AP5M1: variants seen among roughly 807,000 people sequenced by gnomAD.
AP5M1 encodes the protein AP-5 complex subunit mu-1.
In AP5M1, 44 loss-of-function variants were observed where a neutral mutation model predicts 52.3. The observed-to-expected ratio is 0.84, with a 90% CI of 0.66 to 1.08. AP5M1 has a LOEUF of 1.08. AP5M1 is among the 50% of genes least tolerant of loss of function. The pLI is 0.00. For synonymous variants in AP5M1, 213 were observed against 199.0 expected (o/e 1.07, Z -0.59); for missense variants, 526 against 568.4 (o/e 0.93, Z 0.76).
chr14:57,272,416 T>C (rs1884916554), intron 1 of AP5M1, among the ~76,000 whole-genome samples: 1 of 152,244 alleles, frequency 6.6e-6, no homozygotes, highest in South Asian at 2.1e-4. Flanking sequence ...GTTAAGATTC[T>C]GGTTTAAAGG....
intron 1 of AP5M1, among the ~76,000 whole-genome samples, chr14:57,271,929 G>A (rs1402677944): frequency 6.6e-6 from 1 of 152,128 alleles, no homozygotes; most frequent in East Asian, 1.9e-4. Context: ...TAATTTGTGA[G>A]GCTACTGGTA....
At chr14:57,279,402 CATT>C (rs1398782443) in intron 2 of AP5M1, among the ~76,000 whole-genome samples, 9 of 152,172 alleles carry the variant, frequency 5.9e-5, no homozygotes, top group Non-Finnish European at 1.2e-4. Context: ...AGTTGGAAAT[CATT>C]ATTCTCAGCA....
At chr14:57,280,802 G>T (rs1180586606) in intron 3 of AP5M1, among the ~76,000 whole-genome samples, 1 of 150,812 alleles carries the variant, frequency 6.6e-6, no homozygotes, top group Non-Finnish European at 1.5e-5. Context: ...GGTGAGCCAA[G>T]ATCGCACCAG....
chr14:57,270,709 T>G (rs1884871929), intron 1 of AP5M1, among the ~76,000 whole-genome samples: 1 of 152,212 alleles, frequency 6.6e-6, no homozygotes, highest in South Asian at 2.1e-4. Flanking sequence ...TATATTCCCT[T>G]TGGTTACCTA....
intron 7 of AP5M1, among the ~76,000 whole-genome samples, chr14:57,288,543 G>A (rs1885362308): frequency 6.6e-6 from 1 of 151,968 alleles, no homozygotes; most frequent in Non-Finnish European, 1.5e-5. Context: ...GAGAAAATGT[G>A]AAGATAAAAT....
chr14:57,287,025 ACG>A (rs1555332296), intron 7 of AP5M1, among the ~76,000 whole-genome samples: 5 of 148,562 alleles, frequency 3.4e-5, no homozygotes, highest in Non-Finnish European at 1.5e-5. Context: ...ACACACACAC[ACG>A]AAACATATGA....
At chr14:57,269,506 C>T in intron 1 of AP5M1, 118 bp downstream of exon 1, 1 of 889,432 alleles carries the variant, frequency 1.1e-6, no homozygotes, top group Non-Finnish European at 1.8e-6. Context: ...TTGGGCTAGC[C>T]AGTTAACAGA....
chr14:57,282,996 A>G lies in AP5M1; in HGVS notation c.1151A>G (p.Lys384Arg). 3 of 1,600,650 alleles carry G rather than the reference A, an allele frequency of 1.9e-6. No individual in the cohort carries two copies. Among genetic ancestry groups the G allele is most frequent in the Non-Finnish European group, 2.6e-6 (3 of 1,171,802 alleles). ...SFGQLEVFRE[K>R]SLLIWIIGQK... ...GGCCAGCTTGAAGTATTTCGAGAGA[A>G]AAGCTTATTGATCTGGATTATTGGT... Residue 384 changes from lysine to arginine, a missense_variant, in exon 5 of 8, where the codon AAA becomes AGA. Lys to Arg is a conservative substitution (Grantham distance 26, BLOSUM62 2). This residue lies in a region of AP5M1 where 97 missense variants were observed against 121.3 expected (regional missense o/e 0.80). Coordinates refer to ENST00000261558, the MANE Select transcript of AP5M1 (RefSeq NM_018229.4).
intron 2 of AP5M1, among the ~76,000 whole-genome samples, chr14:57,279,808 T>C (rs1476573138): frequency 6.6e-6 from 1 of 152,184 alleles, no homozygotes; most frequent in Non-Finnish European, 1.5e-5. Context: ...ATAAAAATTA[T>C]GTTTCATTAA....
In AP5M1 at chr14:57,295,222, A is replaced by C. The variant is rs1885523872; in HGVS notation, c.*6338A>C. ...CTGATTCAATTAACTTACTTGGTGA[A>C]GCTGCCAGGGAAACTAAATATGATG... On this transcript the variant is annotated 3_prime_UTR_variant, in exon 8 of 8. Transcript: ENST00000261558. The C allele has an allele frequency of 6.6e-6, 1 of 151,920 alleles. No individual in the cohort carries two copies. The highest frequency in any genetic ancestry group is 2.4e-5 in the African/African-American group (1 of 41,412). 9.4% of individuals were successfully genotyped at this position (151,920 alleles called of 1,614,324 possible). A position where few individuals can be genotyped will look rare whatever the true frequency, so the allele number is the denominator to read the frequency against.
rs746519699 is a variant in AP5M1 at position 57,280,344 on chromosome 14, C to T, written c.870C>T (p.Asp290=). Residue 290 remains aspartate (D), a synonymous_variant, in exon 3 of 8, where the codon GAC becomes GAT. Transcript: ENST00000261558. ...CTAGTAGTATTGATGCAATGGATGA[C>T]TCTGCATTTAGTGGGCCTTACAAAT... ...LTSSSIDAMD[D]SAFSGPYKFP... is the part of the protein sequence containing the mutation. 1.7e-5 allele frequency: 28 copies of T among 1,613,886 alleles called. No homozygotes were observed. The highest frequency in any genetic ancestry group is 1.2e-4 in the Admixed American group (7 of 60,000).
At position 57,269,256 on chromosome 14, in the gene AP5M1, C is replaced by T. The variant is rs563275698; in HGVS notation, c.-59C>T. 4.6e-6 allele frequency: 7 copies of T among 1,524,876 alleles called. No homozygotes were observed. The highest frequency in any genetic ancestry group is 2.2e-5 in the East Asian group (1 of 44,454). The allele number at this position is 1,524,876 out of a possible 1,614,324, so 94.5% of individuals were successfully genotyped here. A position where few individuals can be genotyped will look rare whatever the true frequency, so the allele number is the denominator to read the frequency against. On this transcript the variant is annotated 5_prime_UTR_variant, in exon 1 of 8. Transcript: ENST00000261558. ...GAGTCTGTCTGAGAAAGCCGGTCTG[C>T]GCTGTTCCTCGGTGGCGACCTTAAT...
intron 5 of AP5M1, 44 bp downstream of exon 5, chr14:57,283,063 G>A: frequency 3.2e-6 from 5 of 1,572,422 alleles, no homozygotes; most frequent in Non-Finnish European, 4.3e-6. Context: ...TTCATTTACT[G>A]TAGAATCTAC....
In AP5M1 at chr14:57,269,215, T is replaced by A. The variant is rs768449392; in HGVS notation, c.-100T>A. ...ACCGGTATGCGGCGCAGGATGAGCCTCAGGGCTTCTGTTAAGAGTCTGTCT... is the reference window on the plus strand; with the variant it reads ...ACCGGTATGCGGCGCAGGATGAGCCACAGGGCTTCTGTTAAGAGTCTGTCT... On this transcript the variant is annotated 5_prime_UTR_variant, in exon 1 of 8. Transcript: ENST00000261558. 8.4e-5 allele frequency: 98 copies of A among 1,167,438 alleles called. No individual in the cohort carries two copies. The highest frequency in any genetic ancestry group is 1.2e-4 in the Non-Finnish European group (94 of 797,222). The allele number at this position is 1,167,438 out of a possible 1,614,324, so 72.3% of individuals were successfully genotyped here.
intron 4 of AP5M1, among the ~76,000 whole-genome samples, chr14:57,282,513 A>G (rs1885208110): frequency 6.6e-6 from 1 of 152,302 alleles, no homozygotes; most frequent in East Asian, 1.9e-4. Context: ...ATTTTTCCAT[A>G]TACAAGTCAA....
chr14:57,285,843 G>C (rs1885293943), intron 6 of AP5M1, among the ~76,000 whole-genome samples: 1 of 152,152 alleles, frequency 6.6e-6, no homozygotes, highest in Non-Finnish European at 1.5e-5. Flanking sequence ...CCAGCTTTTG[G>C]AGTCGGTAAG....
chr14:57,281,113 G>A lies in AP5M1; in HGVS notation c.948+691G>A, dbSNP rs1379112486. ...TATTGTTTATTGAATAATTGCTTGTGTGTCAGACATTGTCCTAAGCACTTT... is the reference window on the plus strand; with the variant it reads ...TATTGTTTATTGAATAATTGCTTGTATGTCAGACATTGTCCTAAGCACTTT... On this transcript the variant is annotated intron_variant, in intron 3 of 7. Transcript: ENST00000261558. 2.6e-5 allele frequency among the ~76,000 whole-genome samples: 4 copies of A among 152,082 alleles called. No individual in the cohort carries two copies. In the East Asian group the frequency reaches 7.7e-4, roughly 29 times the overall value.
chr14:57,272,652 T>C (rs1197400017), intron 1 of AP5M1, among the ~76,000 whole-genome samples: 1 of 152,250 alleles, frequency 6.6e-6, no homozygotes, highest in Non-Finnish European at 1.5e-5. Flanking sequence ...GAAATTTTTA[T>C]ACTTAAGAAC....
chr14:57,269,337 T>C lies in AP5M1; in HGVS notation c.23T>C (p.Leu8Pro). Residue 8 changes from leucine (L) to proline (P), a missense_variant, in exon 1 of 8, where the codon CTC (leucine) becomes CCC (proline). Around this residue, in one of 3 missense-constraint regions of AP5M1, gnomAD observed 425 missense variants for 430.6 expected, o/e 0.99. Coordinates refer to ENST00000261558, the MANE Select transcript of AP5M1 (RefSeq NM_018229.4). MAQRAVW[L>P]ISHEPGTPLC... ...ACCATGGCGCAGCGGGCAGTGTGGC[T>C]CATAAGCCACGAACCGGGAACTCCA... The C allele has an allele frequency of 1.2e-6, 2 of 1,614,120 alleles. No individual in the cohort carries two copies. The highest frequency in any genetic ancestry group is 1.7e-6 in the Non-Finnish European group (2 of 1,180,020).
Sources: gnomAD v4.1 joint callset for allele counts (sites outside exome capture counted in the v4.1 genomes callset) on GRCh38, gnomAD v4.1.1 for gene constraint, gnomAD v4.1.1 regional missense constraint, MANE v1.5 for transcripts, NCBI Gene and HGNC (gene_info 2026-07-23, HGNC 2026-07-21) for gene names.